The following TNNT1 variants were observed in gnomAD, a reference collection of about 807,000 sequenced individuals.
TNNT1 encodes the protein troponin T1, slow skeletal type.
In TNNT1, 53 loss-of-function variants were observed where a neutral mutation model predicts 50.6. The ratio of observed to expected loss-of-function variants is 1.05; its 90% CI spans 0.84 to 1.32. TNNT1 has a LOEUF of 1.32. Ranked by LOEUF, TNNT1 falls within the 40% of genes most tolerant of loss-of-function variation. The pLI, the probability that TNNT1 is intolerant of heterozygous loss-of-function variation, is 0.00. For synonymous variants in TNNT1, 142 were observed against 138.0 expected (o/e 1.03, Z -0.20); for missense variants, 348 against 381.7 (o/e 0.91, Z 0.74).
At chr19:55,133,866 G>A in intron 13 of TNNT1, 21 bp downstream of exon 13, 1 of 1,613,638 alleles carries the variant, frequency 6.2e-7, no homozygotes, top group Non-Finnish European at 8.5e-7. Context: ...AAGAGCAAGG[G>A]CTTGAGACGG....
chr19:55,146,537 G>T, intron 4 of TNNT1, 71 bp from the exon 5 acceptor site: 2 of 1,142,006 alleles, frequency 1.8e-6, no homozygotes. Context: ...GGGCGCGGGA[G>T]GGGAGAGAGG....
Position 55,133,499 on chromosome 19 carries a change from G to A in TNNT1, c.791+388C>T, listed in dbSNP as rs556458871. 1.5e-5 allele frequency: 5 copies of A among 330,908 alleles called. No homozygotes were observed. In the East Asian group the frequency reaches 3.1e-4, roughly 20 times the overall value. 20.5% of individuals were successfully genotyped at this position (330,908 alleles called of 1,614,324 possible). A position where few individuals can be genotyped will look rare whatever the true frequency, so the allele number is the denominator to read the frequency against. On this transcript the variant is annotated intron_variant, in intron 13 of 13. Transcript: ENST00000588981. ...TCGAGACCAGCCTGACCAACATGGT[G>A]AAACCCCGTCTCTACTAAAAATACA...
intron 9 of TNNT1, among the ~76,000 whole-genome samples, chr19:55,140,337 C>A (rs1448224935): frequency 1.3e-5 from 2 of 151,560 alleles, no homozygotes; most frequent in African/African-American, 4.9e-5. Flanking sequence ...GGCAGAGTGG[C>A]GCAGCCTATA....
rs2085300700 is a variant in TNNT1, at chr19:55,134,153, C to T, written c.663G>A (p.Glu221=). Residue 221 remains glutamate, a synonymous_variant, in exon 12 of 14, where the codon GAG becomes GAA. Transcript: ENST00000588981. Reference sequence around the variant, plus strand: ...TCCAGTCCGACAGCTCCTGGGCTTTCTCCCTGGCAGGGCAGGAGGGCTGTG... The same window carrying T: ...TCCAGTCCGACAGCTCCTGGGCTTTTTCCCTGGCAGGGCAGGAGGGCTGTG... ...PPSQPSCPAR[E]KAQELSDWIH... 1.2e-6 allele frequency: 2 copies of T among 1,604,054 alleles called. No homozygotes were observed. The highest frequency in any genetic ancestry group is 1.7e-5 in the Admixed American group (1 of 58,404).
In TNNT1 at chr19:55,145,541, C is replaced by T; in HGVS notation, c.128+3G>A. 6.2e-7 allele frequency: 1 copy of T among 1,613,678 alleles called. No homozygotes were observed. Among genetic ancestry groups the T allele is most frequent in the Non-Finnish European group, 8.5e-7 (1 of 1,179,754 alleles). On this transcript the variant is annotated splice_donor_region_variant and intron_variant, in intron 6 of 13. Coordinates refer to ENST00000588981, the MANE Select transcript of TNNT1 (RefSeq NM_003283.6). ...TGGGGCCCCCCACCCTGTAGGATCT[C>T]ACCTTGGTTTGGGGCGTTCCTCTTC...
At chr19:55,142,113 G>T in intron 6 of TNNT1, 193 bp from the exon 7 acceptor site, 1 of 585,326 alleles carries the variant, frequency 1.7e-6, no homozygotes, top group Non-Finnish European at 3.1e-6. Flanking sequence ...TGTTTTTTTG[G>T]TTGTTGTTGG....
rs1599890959 is a variant in TNNT1 at position 55,145,287 on chromosome 19, A to C, written c.128+257T>G. The C allele has an allele frequency of 1.3e-5, 7 of 544,538 alleles. No individual in the cohort carries two copies. In the East Asian group the frequency reaches 2.2e-4, roughly 17 times the overall value. The allele number at this position is 544,538 out of a possible 1,614,324, so 33.7% of individuals were successfully genotyped here. On this transcript the variant is annotated intron_variant, in intron 6 of 13. Transcript: ENST00000588981. ...CTCTAGCCTGGGTAACAGGGTGGAG[A>C]CTATGACCACGATGAAGAAGAAGGG... is the stretch of plus-strand genomic sequence containing the variant.
chr19:55,141,981 T>G (rs760695619), intron 6 of TNNT1, 61 bp from the exon 7 acceptor site: 15 of 1,557,948 alleles, frequency 9.6e-6, no homozygotes, highest in Non-Finnish European at 1.2e-5. Context: ...ACCTCCCACC[T>G]CCGGGATGTG....
chr19:55,135,296 G>A (rs1184839503), intron 11 of TNNT1, among the ~76,000 whole-genome samples: 1 of 152,168 alleles, frequency 6.6e-6, no homozygotes, highest in Non-Finnish European at 1.5e-5. Flanking sequence ...TGGGCTAAAA[G>A]TAGTGAGTGA....
chr19:55,146,849 A>C, intron 3 of TNNT1, 142 bp from the exon 4 acceptor site: 1 of 1,207,880 alleles, frequency 8.3e-7, no homozygotes, highest in South Asian at 1.6e-5. Flanking sequence ...CTGGCGGTGC[A>C]GGGATGGCGC....
rs1223781411 is a variant in TNNT1 at position 55,132,902 on chromosome 19, CG to C, written c.*12del. ...CCCAGGCTTCCCAGGTGCCACTGTC[CG>C]GGGCGGCATCCTCACTTCCAGCGGC... On this transcript the variant is annotated 3_prime_UTR_variant, in exon 14 of 14. Transcript: ENST00000588981. 6.3e-7 allele frequency: 1 copy of C among 1,598,414 alleles called. No homozygotes were observed. Among genetic ancestry groups the C allele is most frequent in the Admixed American group, 1.7e-5 (1 of 57,352 alleles).
intron 9 of TNNT1, 109 bp from the exon 10 acceptor site, chr19:55,138,183 G>A (rs2147247935): frequency 1.3e-6 from 2 of 1,582,780 alleles, no homozygotes; most frequent in South Asian, 2.3e-5. Context: ...GTGCCGCAGA[G>A]GCTGCTGGGA....
intron 9 of TNNT1, 107 bp from the exon 10 acceptor site, chr19:55,138,181 G>C: frequency 6.3e-7 from 1 of 1,585,666 alleles, no homozygotes; most frequent in South Asian, 1.1e-5. Flanking sequence ...CAGTGCCGCA[G>C]AGGCTGCTGG....
chr19:55,132,842 A>G lies in TNNT1; in HGVS notation c.*73T>C. 1 of 1,414,724 alleles carries G rather than the reference A, an allele frequency of 7.1e-7. No individual in the cohort carries two copies. Among genetic ancestry groups the G allele is most frequent in the Admixed American group, 2.0e-5 (1 of 51,108 alleles). 87.6% of individuals were successfully genotyped at this position (1,414,724 alleles called of 1,614,324 possible). On this transcript the variant is annotated 3_prime_UTR_variant, in exon 14 of 14. Transcript: ENST00000588981. The stretch of plus-strand genomic sequence containing the variant: ...GAGAACCCAGCGGGTGTCTGAGGGG[A>G]GCGTTTATTTCAAGCTACCGATGGG...
chr19:55,144,692 C>T (rs1032373534), intron 6 of TNNT1, among the ~76,000 whole-genome samples: 5 of 152,226 alleles, frequency 3.3e-5, no homozygotes, highest in African/African-American at 1.2e-4. Context: ...TATGAAAGCA[C>T]AGGCATGGCT....
intron 6 of TNNT1, among the ~76,000 whole-genome samples, chr19:55,143,846 A>C (rs2147261254): frequency 6.6e-6 from 1 of 152,230 alleles, no homozygotes; most frequent in South Asian, 2.1e-4. Flanking sequence ...ACTCAAGCTA[A>C]CAGGTATCTC....
intron 9 of TNNT1, among the ~76,000 whole-genome samples, chr19:55,138,799 C>T (rs1262958663): frequency 6.6e-6 from 1 of 152,086 alleles, no homozygotes; most frequent in Non-Finnish European, 1.5e-5. Context: ...GGTGATAAGA[C>T]CAGGGACTGG....
rs551631091 is a variant in TNNT1, at chr19:55,146,545, A to G, written c.74-79T>C. 6.3e-5 allele frequency: 71 copies of G among 1,132,390 alleles called. 1 individual carries two copies. Among genetic ancestry groups the G allele is most frequent in the Non-Finnish European group, 9.5e-6 (8 of 844,550 alleles). The allele number at this position is 1,132,390 out of a possible 1,614,324, so 70.1% of individuals were successfully genotyped here. A position where few individuals can be genotyped will look rare whatever the true frequency, so the allele number is the denominator to read the frequency against. ...CACGCCCGGGCGCGGGAGGGGAGAGAGGGAAGAGACGTGAGAGGCTGTTAG... is the reference window on the plus strand; with the variant it reads ...CACGCCCGGGCGCGGGAGGGGAGAGGGGGAAGAGACGTGAGAGGCTGTTAG... On this transcript the variant is annotated intron_variant, in intron 4 of 13. Transcript: ENST00000588981.
At chr19:55,145,450 C>T in intron 6 of TNNT1, 94 bp downstream of exon 6, 1 of 1,258,088 alleles carries the variant, frequency 7.9e-7, no homozygotes, top group Non-Finnish European at 1.1e-6. Flanking sequence ...AATTTCCTCC[C>T]TCCATCTCTG....
Sources: allele counts gnomAD v4.1 joint callset (sites outside exome capture counted in the v4.1 genomes callset), GRCh38; gene constraint gnomAD v4.1.1; transcripts MANE v1.5; gene names NCBI Gene and HGNC (gene_info 2026-07-23, HGNC 2026-07-21).